Variants in BIRC6 observed in about 807,000 individuals in gnomAD.
The protein encoded by BIRC6 is baculoviral IAP repeat containing 6.
BIRC6 carries 98 observed loss-of-function variants against 503.3 expected under a neutral mutation model. That is an observed-to-expected ratio of 0.19 (90% CI 0.17 to 0.23). The LOEUF is 0.23. Ranked by LOEUF, BIRC6 falls within the 10% of genes least tolerant of loss-of-function variation. The probability of loss-of-function intolerance (pLI) is 1.00; values close to 1 mark genes in which losing one functional copy is unlikely to be tolerated. For synonymous variants in BIRC6, 2,240 were observed against 2,078.7 expected (o/e 1.08, Z -2.11); for missense variants, 5,360 against 5,806.0 (o/e 0.92, Z 2.50).
At chr2:32,397,108 A>T (rs773235050) in intron 6 of BIRC6, among the ~76,000 whole-genome samples, 1 of 152,036 alleles carries the variant, frequency 6.6e-6, no homozygotes, top group Non-Finnish European at 1.5e-5. Flanking sequence ...TCTCTCTCCA[A>T]ATATCTTACT....
intron 66 of BIRC6, among the ~76,000 whole-genome samples, chr2:32,589,054 C>T (rs915448060): frequency 1.3e-5 from 2 of 152,000 alleles, no homozygotes; most frequent in Non-Finnish European, 2.9e-5. Flanking sequence ...TATATCTGAT[C>T]TTTTGTGCAG....
At chr2:32,400,114 CTTG>C (rs2040432856) in intron 6 of BIRC6, among the ~76,000 whole-genome samples, 1 of 151,940 alleles carries the variant, frequency 6.6e-6, no homozygotes, top group African/African-American at 2.4e-5. Flanking sequence ...ATTTCTTAAA[CTTG>C]TTATGTTTTT....
intron 20 of BIRC6, among the ~76,000 whole-genome samples, chr2:32,444,032 T>G (rs2045704174): frequency 7.6e-6 from 1 of 131,174 alleles, no homozygotes; most frequent in Admixed American, 7.7e-5. Flanking sequence ...GGACCAGTGG[T>G]TTTTTTTTTT....
At chr2:32,398,767 T>G (rs1158472168) in intron 6 of BIRC6, among the ~76,000 whole-genome samples, 1 of 152,036 alleles carries the variant, frequency 6.6e-6, no homozygotes, top group Non-Finnish European at 1.5e-5. Context: ...ATTGAAAAAG[T>G]TAAAACTCAG....
intron 59 of BIRC6, chr2:32,528,290 C>G (rs528294458): frequency 2.6e-5 from 4 of 151,220 alleles, no homozygotes; most frequent in Non-Finnish European, 5.9e-5. Context: ...ATGGCGTGAT[C>G]TCGGCTCACT....
intron 5 of BIRC6, among the ~76,000 whole-genome samples, chr2:32,393,485 T>C (rs2039501137): frequency 6.6e-6 from 1 of 152,220 alleles, no homozygotes; most frequent in Non-Finnish European, 1.5e-5. Context: ...TATATGTCAG[T>C]TTAAATAAAG....
At position 32,480,621 on chromosome 2, in the gene BIRC6, C is replaced by CTTTTTTTTTTTTTTTTTTTTTTT. The variant is rs560251664; in HGVS notation, c.7409-684_7409-662dup. On this transcript the variant is annotated intron_variant, in intron 37 of 73. Transcript: ENST00000421745. ...CATAACAGAAAAATAAGGTAAATGG[C>CTTTTTTTTTTTTTTTTTTTTTTT]TTTTTTTTTTTTTTTTTTTTTTTTT... Among the ~76,000 whole-genome samples, 11 of 60,742 alleles carry CTTTTTTTTTTTTTTTTTTTTTTT rather than the reference C, an allele frequency of 1.8e-4. 1 individual carries two copies. The highest frequency in any genetic ancestry group is 2.6e-4 in the Non-Finnish European group (9 of 34,004). The allele number at this position is 60,742 out of a possible 152,430, so 39.8% of individuals were successfully genotyped here.
Position 32,491,523 on chromosome 2 carries a change from A to T in BIRC6, c.8305A>T (p.Thr2769Ser). 1 of 1,613,652 alleles carries T rather than the reference A, an allele frequency of 6.2e-7. No individual in the cohort carries two copies. The highest frequency in any genetic ancestry group is 8.5e-7 in the Non-Finnish European group (1 of 1,179,702). ...IHVLVKFLSG[T>S]SPHGTNQHSP... ...TGTATTAGTGAAATTTCTTTCTGGC[A>T]CCAGTCCACATGGAACAAATCAACA... Residue 2769 changes from threonine to serine, a missense_variant, in exon 44 of 74, where the codon ACC becomes TCC. By Grantham distance (58) the Thr-to-Ser change is moderately conservative. Coordinates refer to ENST00000421745, the MANE Select transcript of BIRC6 (RefSeq NM_016252.4).
Position 32,473,092 on chromosome 2 carries a change from A to G in BIRC6, c.6593-20A>G. ...TCACATTTAACAGAATTATTAATACAAGTTTTCCTTCGCCTGTAGGTAATC... is the reference window on the plus strand; with the variant it reads ...TCACATTTAACAGAATTATTAATACGAGTTTTCCTTCGCCTGTAGGTAATC... On this transcript the variant is annotated intron_variant, in intron 32 of 73. Coordinates refer to ENST00000421745, the MANE Select transcript of BIRC6 (RefSeq NM_016252.4). The G allele has an allele frequency of 6.5e-7, 1 of 1,544,562 alleles. No individual in the cohort carries two copies. The highest frequency in any genetic ancestry group is 8.7e-7 in the Non-Finnish European group (1 of 1,145,082).
At chr2:32,369,945 A>AAAAAAAAT (rs1553373676) in intron 1 of BIRC6, among the ~76,000 whole-genome samples, 3 of 44,220 alleles carry the variant, frequency 6.8e-5, no homozygotes, top group Non-Finnish European at 1.1e-4. Flanking sequence ...AAAAAAAAAA[A>AAAAAAAAT]ATATATATAT....
At chr2:32,462,958 A>G (rs956044813) in intron 23 of BIRC6, among the ~76,000 whole-genome samples, 12 of 151,460 alleles carry the variant, frequency 7.9e-5, no homozygotes, top group Non-Finnish European at 1.5e-4. Flanking sequence ...CTGTCTCAAA[A>G]AAAAAAAAAA....
chr2:32,445,776 C>CA, intron 21 of BIRC6, 108 bp downstream of exon 21: 1 of 851,178 alleles, frequency 1.2e-6, no homozygotes. Flanking sequence ...CTTTTTCTTA[C>CA]AAAAATGTTT....
intron 16 of BIRC6, among the ~76,000 whole-genome samples, chr2:32,440,751 T>TTTTTTTTTATTATTATTATTATTA (rs773312894): frequency 8.9e-4 from 131 of 147,150 alleles, no homozygotes; most frequent in Non-Finnish European, 1.6e-3. Flanking sequence ...TGTTTATTTA[T>TTTTTTTTTATTATTATTATTATTA]TTATTATTAT....
chr2:32,417,997 C>G (rs2042564348), intron 10 of BIRC6, among the ~76,000 whole-genome samples: 1 of 152,152 alleles, frequency 6.6e-6, no homozygotes, highest in South Asian at 2.1e-4. Flanking sequence ...CTAGTCTGGT[C>G]TCGAACTGCT....
intron 52 of BIRC6, among the ~76,000 whole-genome samples, 156 bp from the exon 53 acceptor site, chr2:32,510,370 C>T (rs2054273863): frequency 6.6e-6 from 1 of 152,230 alleles, no homozygotes; most frequent in African/African-American, 2.4e-5. Flanking sequence ...TGAACCACTG[C>T]ACCCAGCCTA....
chr2:32,382,814 C>T (rs928326711), intron 3 of BIRC6, among the ~76,000 whole-genome samples: 10 of 152,012 alleles, frequency 6.6e-5, no homozygotes, highest in Admixed American at 5.2e-4. Flanking sequence ...ACGTCCGTCT[C>T]CTGGGTTCAA....
chr2:32,547,791 T>C, intron 63 of BIRC6, 59 bp from the exon 64 acceptor site: 1 of 1,365,008 alleles, frequency 7.3e-7, no homozygotes, highest in Non-Finnish European at 9.7e-7. Context: ...CAGTGATAAA[T>C]ATTTTTGAAG....
At chr2:32,556,856 T>C (rs1008033971) in intron 65 of BIRC6, among the ~76,000 whole-genome samples, 1 of 152,064 alleles carries the variant, frequency 6.6e-6, no homozygotes, top group African/African-American at 2.4e-5. Context: ...CAAGAATTGC[T>C]TGAAGCCGGG....
At position 32,441,521 on chromosome 2, in the gene BIRC6, C is replaced by G. The variant is rs375294627; in HGVS notation, c.3944+59C>G. 5 of 1,373,406 alleles carry G rather than the reference C, an allele frequency of 3.6e-6. No homozygotes were observed. In the African/African-American group the frequency reaches 5.8e-5, roughly 16 times the overall value. 85.1% of individuals were successfully genotyped at this position (1,373,406 alleles called of 1,614,324 possible). On this transcript the variant is annotated intron_variant, in intron 17 of 73. Coordinates refer to ENST00000421745, the MANE Select transcript of BIRC6 (RefSeq NM_016252.4). ...GTAATGAAAGTGCAGAGCATAACAC[C>G]ACACACATACACACACAAATAAAAA...
Sources: gnomAD v4.1 joint callset for allele counts (sites outside exome capture counted in the v4.1 genomes callset) on GRCh38, gnomAD v4.1.1 for gene constraint, MANE v1.5 for transcripts, NCBI Gene and HGNC (gene_info 2026-07-23, HGNC 2026-07-21) for gene names.